The following RELN variants were observed in gnomAD, a reference collection of about 807,000 sequenced individuals.
RELN encodes reelin.
Under a neutral mutation model 427.6 loss-of-function variants are expected in RELN, and 108 were observed. The ratio of observed to expected loss-of-function variants is 0.25; its 90% CI spans 0.22 to 0.30. The LOEUF (loss-of-function observed/expected upper bound fraction) is 0.30. RELN is among the 10% of genes least tolerant of loss of function. The pLI is 1.00. For synonymous variants in RELN, 1,524 were observed against 1,513.4 expected (o/e 1.01, Z -0.16); for missense variants, 3,715 against 4,302.8 (o/e 0.86, Z 3.82).
rs568090909 is a variant in RELN at position 103,681,628 on chromosome 7, T to C, written c.1289+488A>G. 3.3e-5 allele frequency among the ~76,000 whole-genome samples: 5 copies of C among 152,228 alleles called. No homozygotes were observed. The South Asian group carries it at 1.0e-3, about 32-fold the overall frequency. On this transcript the variant is annotated intron_variant, in intron 11 of 64. Coordinates refer to ENST00000428762, the MANE Select transcript of RELN (RefSeq NM_005045.4). ...CAAACAATGCTCACAGCTTCAGGTC[T>C]CCTCTATTTCAACCTCAGTCCCAAA...
intron 16 of RELN, among the ~76,000 whole-genome samples, chr7:103,644,580 A>C (rs2117372245): frequency 6.6e-6 from 1 of 151,732 alleles, no homozygotes; most frequent in East Asian, 1.9e-4. Context: ...TCAGACTGAA[A>C]GAAAGAACAA....
At chr7:103,683,031 T>A (rs1437547665) in intron 10 of RELN, among the ~76,000 whole-genome samples, 1 of 151,762 alleles carries the variant, frequency 6.6e-6, no homozygotes, top group Non-Finnish European at 1.5e-5. Flanking sequence ...TGCATTAACA[T>A]TTTTTGGTAA....
chr7:103,474,299 G>C (rs142368245), intron 64 of RELN, among the ~76,000 whole-genome samples: 1 of 151,840 alleles, frequency 6.6e-6, no homozygotes, highest in South Asian at 2.1e-4. Flanking sequence ...ACATCAAATT[G>C]ATACATATTT....
At chr7:103,792,031 C>T (rs1412530502) in intron 3 of RELN, among the ~76,000 whole-genome samples, 3 of 152,032 alleles carry the variant, frequency 2.0e-5, no homozygotes, top group Non-Finnish European at 4.4e-5. Context: ...CCATTCTACT[C>T]CCACAAGATA....
rs1396631393 is a variant in RELN at position 103,639,824 on chromosome 7, G to A, written c.2069+719C>T. Among the ~76,000 whole-genome samples, 3 of 150,642 alleles carry A rather than the reference G, an allele frequency of 2.0e-5. 1 individual carries two copies. The highest frequency in any genetic ancestry group is 1.3e-4 in the Admixed American group (2 of 15,250). On this transcript the variant is annotated intron_variant, in intron 17 of 64. Coordinates refer to ENST00000428762, the MANE Select transcript of RELN (RefSeq NM_005045.4). Reference sequence around the variant, plus strand: ...GAAAAAGTAGACTAGATGATCAGCTGTTGAACACTTATCTTTATTACAGAT... The same window carrying A: ...GAAAAAGTAGACTAGATGATCAGCTATTGAACACTTATCTTTATTACAGAT...
At chr7:103,657,660 A>G (rs1833050195) in intron 12 of RELN, among the ~76,000 whole-genome samples, 1 of 152,130 alleles carries the variant, frequency 6.6e-6, no homozygotes, top group South Asian at 2.1e-4. Flanking sequence ...GGCAGAAGAA[A>G]AAAGTCCTAA....
intron 1 of RELN, among the ~76,000 whole-genome samples, chr7:103,948,947 C>A (rs1333737575): frequency 7.2e-6 from 1 of 139,728 alleles, no homozygotes; most frequent in Non-Finnish European, 1.5e-5. Flanking sequence ...CCTGGGCAGA[C>A]AATACTGCAA....
intron 6 of RELN, among the ~76,000 whole-genome samples, chr7:103,733,742 AG>A (rs1250110162): frequency 6.8e-6 from 1 of 147,388 alleles, no homozygotes; most frequent in East Asian, 2.0e-4. Context: ...TTGAACAATG[AG>A]ATCACATGGA....
At chr7:103,799,385 C>T (rs111483802) in intron 3 of RELN, among the ~76,000 whole-genome samples, 6 of 152,250 alleles carry the variant, frequency 3.9e-5, no homozygotes, top group African/African-American at 1.4e-4. Context: ...AAAAATGGTG[C>T]CCCTGTGGGA....
chr7:103,970,513 G>T (rs1796742581), intron 1 of RELN, among the ~76,000 whole-genome samples: 1 of 151,842 alleles, frequency 6.6e-6, no homozygotes, highest in Non-Finnish European at 1.5e-5. Flanking sequence ...TCACCTTGGT[G>T]ATTTCACTGT....
intron 3 of RELN, among the ~76,000 whole-genome samples, chr7:103,805,845 G>A (rs1792585227): frequency 6.6e-6 from 1 of 152,184 alleles, no homozygotes; most frequent in Non-Finnish European, 1.5e-5. Context: ...ACAAGGAGGG[G>A]CTAGAGAGGA....
chr7:103,500,265 C>T (rs1057500394), intron 53 of RELN, among the ~76,000 whole-genome samples: 1 of 152,178 alleles, frequency 6.6e-6, no homozygotes, highest in Admixed American at 6.5e-5. Flanking sequence ...TACACAACCC[C>T]ATTTCAGCAG....
intron 1 of RELN, among the ~76,000 whole-genome samples, chr7:103,938,268 C>T (rs1036119579): frequency 2.0e-5 from 3 of 151,410 alleles, no homozygotes; most frequent in Non-Finnish European, 4.4e-5. Flanking sequence ...TGCAGTGAGC[C>T]GAGATTGCGC....
intron 6 of RELN, among the ~76,000 whole-genome samples, chr7:103,740,906 G>C (rs1345620632): frequency 6.6e-6 from 1 of 152,130 alleles, no homozygotes; most frequent in African/African-American, 2.4e-5. Flanking sequence ...TTTCTTTTGA[G>C]GTAAATTATT....
rs370604795 is a variant in RELN at position 103,953,661 on chromosome 7, G to A, written c.226+35470C>T. Among the ~76,000 whole-genome samples the A allele has an allele frequency of 4.7e-4, 72 of 152,198 alleles. No homozygotes were observed. The highest frequency in any genetic ancestry group is 1.9e-3 in the East Asian group (10 of 5,184). On this transcript the variant is annotated intron_variant, in intron 1 of 64. Transcript: ENST00000428762. This position sits in a 1 kb window ranked among gnomAD's most constrained non-coding sequence, Gnocchi z 4.3. The stretch of plus-strand genomic sequence containing the variant: ...AAACTTACCAGCCTCCACTGGGTGC[G>A]GTGGCTCACATCTGTAATCCCAGCA...
intron 3 of RELN, among the ~76,000 whole-genome samples, chr7:103,793,851 C>T (rs536302713): frequency 6.6e-6 from 1 of 152,306 alleles, no homozygotes; most frequent in African/African-American, 2.4e-5. Context: ...ACTGCAGCCT[C>T]TGCCTCTCAG....
intron 11 of RELN, among the ~76,000 whole-genome samples, 172 bp from the exon 12 acceptor site, chr7:103,661,699 G>C (rs1431387812): frequency 6.6e-6 from 1 of 152,142 alleles, no homozygotes; most frequent in Non-Finnish European, 1.5e-5. Flanking sequence ...ACAAATTTTA[G>C]GTAGTGAATA....
intron 28 of RELN, among the ~76,000 whole-genome samples, chr7:103,579,390 C>T (rs949105068): frequency 2.0e-5 from 3 of 152,010 alleles, no homozygotes; most frequent in Non-Finnish European, 1.5e-5. Context: ...CTTAGTGTTA[C>T]GAGTTCGAGA....
chr7:103,787,393 G>T (rs1432946273), intron 3 of RELN, among the ~76,000 whole-genome samples: 1 of 151,876 alleles, frequency 6.6e-6, no homozygotes, highest in Non-Finnish European at 1.5e-5. Context: ...ATGAATCCAG[G>T]AGCTGGTTTT....
Sources: allele counts gnomAD v4.1 joint callset (sites outside exome capture counted in the v4.1 genomes callset), GRCh38; gene constraint gnomAD v4.1.1; non-coding constraint Gnocchi (gnomAD v3.1); transcripts MANE v1.5; gene names NCBI Gene and HGNC (gene_info 2026-07-23, HGNC 2026-07-21).